TAS2R1: variants seen among roughly 807,000 people sequenced by gnomAD.
The protein encoded by TAS2R1 is taste receptor type 2 member 1.
For synonymous variants in TAS2R1, 141 were observed against 134.2 expected (o/e 1.05, Z -0.35); for missense variants, 370 against 353.4 (o/e 1.05, Z -0.38).
chr5:9,676,401 A>G (rs891803551), intron 1 of TAS2R1, among the ~76,000 whole-genome samples: 7 of 152,232 alleles, frequency 4.6e-5, no homozygotes, highest in African/African-American at 1.7e-4. Context: ...GATGAGTGAA[A>G]GAACACACAC....
At chr5:9,742,395 C>T in the TAS2R1 span, among the ~76,000 whole-genome samples, 1 of 152,144 alleles carries the variant, frequency 6.6e-6, no homozygotes, top group East Asian at 1.9e-4. Flanking sequence ...GAGTCTGTAG[C>T]AAAATACCTC....
At chr5:9,902,455 C>T in the TAS2R1 span, among the ~76,000 whole-genome samples, 1 of 152,134 alleles carries the variant, frequency 6.6e-6, no homozygotes, top group East Asian at 1.9e-4. Context: ...ATAATTTCTT[C>T]TAAAATTTGG....
At chr5:9,802,798 G>A in the TAS2R1 span, among the ~76,000 whole-genome samples, 161 of 152,276 alleles carry the variant, frequency 1.1e-3, no homozygotes, top group African/African-American at 3.7e-3. Flanking sequence ...AGCTACTCGG[G>A]TGGCTGAGGC....
At chr5:9,709,831 C>A (rs1184741112) in intron 1 of TAS2R1, among the ~76,000 whole-genome samples, 1 of 152,180 alleles carries the variant, frequency 6.6e-6, no homozygotes, top group Non-Finnish European at 1.5e-5. Flanking sequence ...AATTCCTTAC[C>A]CATAGAAAAT....
chr5:9,653,124 G>A (rs1205176672), intron 2 of TAS2R1, among the ~76,000 whole-genome samples: 1 of 152,126 alleles, frequency 6.6e-6, no homozygotes, highest in Non-Finnish European at 1.5e-5. Flanking sequence ...CGTTTTCCGA[G>A]TGGAATTATA....
At chr5:9,720,582 TGAC>T in the TAS2R1 span, among the ~76,000 whole-genome samples, 1 of 152,176 alleles carries the variant, frequency 6.6e-6, no homozygotes, top group South Asian at 2.1e-4. Context: ...ATTAAGAGTC[TGAC>T]GAGAAAGAGA....
At chr5:9,823,806 T>G in the TAS2R1 span, among the ~76,000 whole-genome samples, 1 of 152,156 alleles carries the variant, frequency 6.6e-6, no homozygotes, top group East Asian at 1.9e-4. Context: ...TGAAAATGCA[T>G]GCTCACTACT....
intron 1 of TAS2R1, among the ~76,000 whole-genome samples, chr5:9,671,476 G>A (rs1360761327): frequency 1.3e-5 from 2 of 152,194 alleles, no homozygotes; most frequent in African/African-American, 4.8e-5. Flanking sequence ...AAAATCAGCA[G>A]CATTTCCATA....
At chr5:9,892,377 G>T in the TAS2R1 span, among the ~76,000 whole-genome samples, 1 of 152,140 alleles carries the variant, frequency 6.6e-6, no homozygotes. Context: ...GCCCCCAAAA[G>T]TTCCTGGGGG....
At chr5:9,808,511 A>T in the TAS2R1 span, among the ~76,000 whole-genome samples, 147 of 152,282 alleles carry the variant, frequency 9.7e-4, 1 homozygote, top group African/African-American at 3.1e-3. Context: ...CCATATTTTT[A>T]AAAAATGAGA....
At chr5:9,767,981 G>A in the TAS2R1 span, among the ~76,000 whole-genome samples, 5 of 149,472 alleles carry the variant, frequency 3.3e-5, no homozygotes, top group Non-Finnish European at 5.9e-5. Context: ...ACCCTGTACT[G>A]GATTCCCTTT....
chr5:9,738,236 G>C, the TAS2R1 span, among the ~76,000 whole-genome samples: 5 of 152,128 alleles, frequency 3.3e-5, no homozygotes, highest in Admixed American at 3.3e-4. Context: ...CCCATTCTCA[G>C]AGTTTATAAG....
chr5:9,734,766 C>T, the TAS2R1 span, among the ~76,000 whole-genome samples: 6 of 151,930 alleles, frequency 3.9e-5, no homozygotes, highest in African/African-American at 1.2e-4. Context: ...CCTTACTCCA[C>T]AGGCCACACC....
intron 2 of TAS2R1, among the ~76,000 whole-genome samples, chr5:9,654,891 T>G (rs1740378599): frequency 6.6e-6 from 1 of 152,220 alleles, no homozygotes; most frequent in Non-Finnish European, 1.5e-5. Flanking sequence ...GGTCCAGCAA[T>G]TCTACTCCTG....
chr5:9,869,907 A>G, the TAS2R1 span, among the ~76,000 whole-genome samples: 1 of 152,260 alleles, frequency 6.6e-6, no homozygotes, highest in African/African-American at 2.4e-5. Context: ...TAGAACAACT[A>G]GAGTGGAGAA....
At chr5:9,688,688 C>T (rs978863947) in intron 1 of TAS2R1, among the ~76,000 whole-genome samples, 7 of 152,168 alleles carry the variant, frequency 4.6e-5, no homozygotes, top group Admixed American at 2.6e-4. Flanking sequence ...GGGACCTCCA[C>T]GGGCCATGCA....
At chr5:9,787,157 T>C in the TAS2R1 span, among the ~76,000 whole-genome samples, 3 of 152,144 alleles carry the variant, frequency 2.0e-5, no homozygotes, top group Non-Finnish European at 2.9e-5. Context: ...TCATAGACAG[T>C]CAACAAATGG....
the TAS2R1 span, among the ~76,000 whole-genome samples, chr5:9,808,011 TA>T: frequency 3.3e-5 from 5 of 152,192 alleles, no homozygotes; most frequent in Middle Eastern, 3.4e-3. Flanking sequence ...AAAATCTCCT[TA>T]AAATGTGAAA....
the TAS2R1 span, among the ~76,000 whole-genome samples, chr5:9,729,156 C>G: frequency 4.6e-5 from 7 of 152,328 alleles, no homozygotes; most frequent in South Asian, 1.4e-3. Flanking sequence ...AACCCACAGC[C>G]CAGGCTGGCC....
Sources: gnomAD v4.1 joint callset for allele counts (sites outside exome capture counted in the v4.1 genomes callset) on GRCh38, gnomAD v4.1.1 for gene constraint, MANE v1.5 for transcripts, NCBI Gene and HGNC (gene_info 2026-07-23, HGNC 2026-07-21) for gene names.